EPHA6: variants seen among roughly 807,000 people sequenced by gnomAD.
EPHA6 encodes EPH receptor A6.
EPHA6 carries 50 observed loss-of-function variants against 112.0 expected under a neutral mutation model. The observed-to-expected ratio is 0.45, with a 90% CI of 0.36 to 0.56. The LOEUF (loss-of-function observed/expected upper bound fraction) is 0.56, where lower values mean the gene tolerates loss of function less well. Ranked by LOEUF, EPHA6 falls within the 20% of genes least tolerant of loss-of-function variation. EPHA6 has a pLI of 0.00. For synonymous variants in EPHA6, 529 were observed against 490.7 expected, an observed-to-expected ratio of 1.08 and a Z score of -1.03; for missense variants, 1,280 against 1,417.4, an observed-to-expected ratio of 0.90 and a Z score of 1.56.
intron 2 of EPHA6, 39 bp downstream of exon 2, chr3:96,866,928 AT>A: frequency 8.2e-7 from 1 of 1,223,750 alleles, no homozygotes; most frequent in Non-Finnish European, 1.1e-6. Context: ...TCTTTTTTAG[AT>A]TTTTAAGATC....
chr3:97,062,942 A>G (rs780976442), intron 3 of EPHA6, among the ~76,000 whole-genome samples: 10 of 149,544 alleles, frequency 6.7e-5, no homozygotes, highest in African/African-American at 2.5e-4. Context: ...CAATTATATG[A>G]AAAAAAAAAG....
chr3:97,114,567 G>T (rs1204183500), intron 3 of EPHA6, among the ~76,000 whole-genome samples: 1 of 151,856 alleles, frequency 6.6e-6, no homozygotes, highest in African/African-American at 2.4e-5. Context: ...TTTTTAAATT[G>T]TCTCTTCTTT....
intron 5 of EPHA6, among the ~76,000 whole-genome samples, chr3:97,381,741 T>A (rs1229328921): frequency 6.6e-6 from 1 of 152,080 alleles, no homozygotes; most frequent in African/African-American, 2.4e-5. Flanking sequence ...GACTTAAAAA[T>A]GTTAGAGGTA....
At chr3:97,353,286 T>C (rs866230404) in intron 5 of EPHA6, among the ~76,000 whole-genome samples, 1 of 151,652 alleles carries the variant, frequency 6.6e-6, no homozygotes, top group Non-Finnish European at 1.5e-5. Flanking sequence ...AAAGAAACTT[T>C]GTCTTGCAGC....
At chr3:97,717,307 T>C (rs928239340) in intron 14 of EPHA6, among the ~76,000 whole-genome samples, 1 of 152,026 alleles carries the variant, frequency 6.6e-6, no homozygotes, top group African/African-American at 2.4e-5. Context: ...TGTAATGTTG[T>C]TCATTTTAAC....
At chr3:97,075,291 T>C (rs1169671677) in intron 3 of EPHA6, among the ~76,000 whole-genome samples, 1 of 152,068 alleles carries the variant, frequency 6.6e-6, no homozygotes, top group East Asian at 1.9e-4. Context: ...ATAATGTTCA[T>C]ATCAATTAAT....
intron 2 of EPHA6, among the ~76,000 whole-genome samples, chr3:96,975,603 G>T (rs1451360750): frequency 2.2e-4 from 34 of 152,160 alleles, no homozygotes; most frequent in Admixed American, 2.2e-3. Context: ...TGGCCTTAAG[G>T]ATCATTACAT....
chr3:96,850,980 CTT>C (rs1170812646), intron 1 of EPHA6, among the ~76,000 whole-genome samples: 5 of 152,016 alleles, frequency 3.3e-5, no homozygotes, highest in Non-Finnish European at 5.9e-5. Context: ...ATAATTATCA[CTT>C]AGTATAATCA....
At chr3:97,091,879 A>AATTAAAATTTTGTGTTTTTTTAAAT (rs1441556205) in intron 3 of EPHA6, among the ~76,000 whole-genome samples, 1 of 152,002 alleles carries the variant, frequency 6.6e-6, no homozygotes, top group Non-Finnish European at 1.5e-5. Context: ...AGAAATACTC[A>AATTAAAATTTTGTGTTTTTTTAAAT]GGCTTCATGT....
intron 14 of EPHA6, among the ~76,000 whole-genome samples, chr3:97,664,787 G>A (rs1174977147): frequency 6.6e-6 from 1 of 152,058 alleles, no homozygotes; most frequent in Non-Finnish European, 1.5e-5. Context: ...CCTCTTCAAG[G>A]AGAACTACAA....
intron 5 of EPHA6, among the ~76,000 whole-genome samples, chr3:97,355,692 T>C (rs900995998): frequency 3.9e-5 from 6 of 152,094 alleles, no homozygotes; most frequent in Non-Finnish European, 5.9e-5. Flanking sequence ...AATAACAACA[T>C]TGAAAGTTAA....
At chr3:97,451,695 A>T (rs2090535018) in intron 7 of EPHA6, among the ~76,000 whole-genome samples, 2 of 151,694 alleles carry the variant, frequency 1.3e-5, no homozygotes, top group Admixed American at 1.3e-4. Flanking sequence ...TAGCATATGG[A>T]TAGGTTTCCC....
chr3:97,017,304 G>A (rs191842980), intron 3 of EPHA6, among the ~76,000 whole-genome samples: 3 of 152,286 alleles, frequency 2.0e-5, no homozygotes, highest in Non-Finnish European at 4.4e-5. Context: ...TGGGAGAGGG[G>A]CAGTGCAGCA....
At chr3:96,823,170 CAT>C (rs2033399645) in intron 1 of EPHA6, among the ~76,000 whole-genome samples, 1 of 151,466 alleles carries the variant, frequency 6.6e-6, no homozygotes, top group African/African-American at 2.4e-5. Flanking sequence ...TATTGCAAAA[CAT>C]AATTGAAATT....
At chr3:97,534,109 T>A (rs757046931) in intron 11 of EPHA6, among the ~76,000 whole-genome samples, 4 of 152,152 alleles carry the variant, frequency 2.6e-5, no homozygotes, top group Non-Finnish European at 4.4e-5. Flanking sequence ...TATGCAGCTA[T>A]GGGTAAATTA....
chr3:97,153,781 C>T (rs988700995), intron 3 of EPHA6, among the ~76,000 whole-genome samples: 2 of 152,228 alleles, frequency 1.3e-5, no homozygotes, highest in Admixed American at 1.3e-4. Flanking sequence ...TGAAGCAATA[C>T]TGCATGTGAT....
At chr3:97,185,575 G>C (rs2077103666) in intron 3 of EPHA6, among the ~76,000 whole-genome samples, 1 of 152,046 alleles carries the variant, frequency 6.6e-6, no homozygotes, top group Non-Finnish European at 1.5e-5. Flanking sequence ...AGGTACTGGA[G>C]AGGATGTGGA....
intron 3 of EPHA6, among the ~76,000 whole-genome samples, chr3:97,136,639 G>A (rs2075776786): frequency 6.6e-6 from 1 of 152,148 alleles, no homozygotes; most frequent in Non-Finnish European, 1.5e-5. Context: ...TGAGGTGGGA[G>A]GAATGGTTGA....
intron 3 of EPHA6, among the ~76,000 whole-genome samples, chr3:97,157,160 A>G (rs1370906351): frequency 6.6e-6 from 1 of 151,894 alleles, no homozygotes; most frequent in African/African-American, 2.4e-5. Flanking sequence ...CTTCAATCTT[A>G]GTAAGTTTAA....
Sources: allele counts gnomAD v4.1 joint callset (sites outside exome capture counted in the v4.1 genomes callset), GRCh38; gene constraint gnomAD v4.1.1; transcripts MANE v1.5; gene names NCBI Gene and HGNC (gene_info 2026-07-23, HGNC 2026-07-21).